Variants in DPH6 observed in about 807,000 individuals in gnomAD.
The protein encoded by DPH6 is diphthine--ammonia ligase.
DPH6 carries 33 observed loss-of-function variants against 38.2 expected under a neutral mutation model. The observed-to-expected ratio is 0.86, with a 90% CI of 0.65 to 1.15. The LOEUF is 1.15. Among genes scored for constraint, DPH6 ranks in the 50% most tolerant of loss-of-function variants. The pLI is 0.00. For synonymous variants in DPH6, 108 were observed against 103.0 expected (o/e 1.05, Z -0.30); for missense variants, 325 against 320.0 (o/e 1.02, Z -0.12).
At chr15:35,203,649 G>A in the DPH6 span, among the ~76,000 whole-genome samples, 18 of 151,640 alleles carry the variant, frequency 1.2e-4, no homozygotes, top group Admixed American at 1.2e-3. Context: ...ATAGCAACCT[G>A]TGTATTTTAG....
At chr15:35,377,530 T>C (rs569121349) in intron 7 of DPH6, among the ~76,000 whole-genome samples, 1 of 152,286 alleles carries the variant, frequency 6.6e-6, no homozygotes, top group Non-Finnish European at 1.5e-5. Flanking sequence ...TACATATATA[T>C]GTAAAATAAG....
intron 3 of DPH6, among the ~76,000 whole-genome samples, chr15:35,533,613 G>C (rs894865956): frequency 6.6e-6 from 1 of 151,428 alleles, no homozygotes; most frequent in African/African-American, 2.4e-5. Context: ...CTTGAATCTA[G>C]TTATCTTTAG....
At chr15:35,399,609 A>C (rs1013290704) in intron 6 of DPH6, among the ~76,000 whole-genome samples, 1 of 152,154 alleles carries the variant, frequency 6.6e-6, no homozygotes, top group African/African-American at 2.4e-5. Flanking sequence ...GGGCAAAAAG[A>C]ATATCCTATA....
chr15:35,201,485 G>A, the DPH6 span, among the ~76,000 whole-genome samples: 1 of 151,734 alleles, frequency 6.6e-6, no homozygotes, highest in Non-Finnish European at 1.5e-5. Flanking sequence ...CATTTAAAAA[G>A]TTATTTCACG....
intron 3 of DPH6, among the ~76,000 whole-genome samples, chr15:35,532,826 G>A (rs1384682362): frequency 3.3e-5 from 5 of 152,032 alleles, no homozygotes; most frequent in African/African-American, 1.2e-4. Flanking sequence ...AGAATTGGCT[G>A]GGCACGGTGG....
rs72703161 is a variant in DPH6 at position 35,380,807 on chromosome 15, A to G, written c.662+1015T>C. 1.7e-3 allele frequency among the ~76,000 whole-genome samples: 264 copies of G among 152,180 alleles called. 1 individual carries two copies. The highest frequency in any genetic ancestry group is 5.0e-3 in the East Asian group (26 of 5,176). On this transcript the variant is annotated intron_variant, in intron 7 of 8. Transcript: ENST00000256538. ...TAATTACACACAGATGTCTTTTTCTACCCCTTTGAAGGCAGAAACTATTTG... is the reference window on the plus strand; with the variant it reads ...TAATTACACACAGATGTCTTTTTCTGCCCCTTTGAAGGCAGAAACTATTTG...
chr15:35,423,610 C>A (rs2053533306), intron 5 of DPH6, among the ~76,000 whole-genome samples: 1 of 149,770 alleles, frequency 6.7e-6, no homozygotes, highest in Non-Finnish European at 1.5e-5. Context: ...AAAAAAAAAT[C>A]ATTGTCCAGT....
chr15:35,484,413 G>A (rs1233806163), intron 3 of DPH6, among the ~76,000 whole-genome samples: 1 of 152,220 alleles, frequency 6.6e-6, no homozygotes, highest in Non-Finnish European at 1.5e-5. Context: ...CATGCTGTCA[G>A]CCAGGGCAAT....
At chr15:35,309,888 T>C (rs1237697331) in intron 3 of DPH6, among the ~76,000 whole-genome samples, 1 of 152,226 alleles carries the variant, frequency 6.6e-6, no homozygotes, top group East Asian at 1.9e-4. Flanking sequence ...GATGTGATCT[T>C]GAAATGTGAA....
chr15:35,226,777 C>A (rs75499846), intron 3 of DPH6, among the ~76,000 whole-genome samples: 1 of 152,170 alleles, frequency 6.6e-6, no homozygotes, highest in Non-Finnish European at 1.5e-5. Flanking sequence ...ACAGGTTGAA[C>A]GCAATACTGA....
chr15:35,170,719 G>C, the DPH6 span, among the ~76,000 whole-genome samples: 4 of 152,142 alleles, frequency 2.6e-5, no homozygotes, highest in Non-Finnish European at 4.4e-5. Flanking sequence ...ATCACTCATA[G>C]AGTAGTAAGA....
chr15:35,177,668 G>C, the DPH6 span, among the ~76,000 whole-genome samples: 1 of 151,568 alleles, frequency 6.6e-6, no homozygotes, highest in Non-Finnish European at 1.5e-5. Flanking sequence ...GGCCGGGTGT[G>C]GTGGCTCAAG....
chr15:35,433,861 T>C lies in DPH6; in HGVS notation c.505+16824A>G, dbSNP rs192470980. On this transcript the variant is annotated intron_variant, in intron 5 of 8. Coordinates refer to ENST00000256538, the MANE Select transcript of DPH6 (RefSeq NM_080650.4). Reference sequence around the variant, plus strand: ...TTAAAAGCTCAACAGGCTACAATGATGTGCAGCCACAGTTGAAAACCATTG... The same window carrying C: ...TTAAAAGCTCAACAGGCTACAATGACGTGCAGCCACAGTTGAAAACCATTG... Among the ~76,000 whole-genome samples, 31 of 152,286 alleles carry C rather than the reference T, an allele frequency of 2.0e-4. No homozygotes were observed. The South Asian group carries it at 3.5e-3, about 17-fold the overall frequency.
At chr15:35,297,628 T>C (rs2052024045) in intron 3 of DPH6, among the ~76,000 whole-genome samples, 1 of 152,124 alleles carries the variant, frequency 6.6e-6, no homozygotes, top group Non-Finnish European at 1.5e-5. Context: ...CTTTTCTCTA[T>C]AGGTGACTTT....
At position 35,377,322 on chromosome 15, in the gene DPH6, C is replaced by CCCAT. The variant is rs534979462; in HGVS notation, c.663-3718_663-3715dup. ...TTTTTCATTCTTATTCTTCCGTCCACCCATCCATCCATCCATCCATCCATC... is the reference window on the plus strand; with the variant it reads ...TTTTTCATTCTTATTCTTCCGTCCACCCATCCATCCATCCATCCATCCATCCATC... On this transcript the variant is annotated intron_variant, in intron 7 of 8. Transcript: ENST00000256538. 4.0e-3 allele frequency among the ~76,000 whole-genome samples: 600 copies of CCCAT among 151,830 alleles called. 7 individuals are homozygous for CCCAT. The highest frequency in any genetic ancestry group is 0.026 in the East Asian group (136 of 5,158).
intron 5 of DPH6, among the ~76,000 whole-genome samples, chr15:35,435,501 G>A (rs897038856): frequency 2.0e-5 from 3 of 152,188 alleles, no homozygotes; most frequent in Non-Finnish European, 2.9e-5. Flanking sequence ...ATGGGGTAAA[G>A]CCACCAGGAA....
At chr15:35,357,344 A>G (rs556196724) in intron 3 of DPH6, among the ~76,000 whole-genome samples, 32 of 152,204 alleles carry the variant, frequency 2.1e-4, no homozygotes, top group Non-Finnish European at 3.4e-4. Flanking sequence ...TCAGTTGGAA[A>G]TGCAGAAATC....
intron 3 of DPH6, among the ~76,000 whole-genome samples, chr15:35,527,715 T>C (rs1013164833): frequency 4.6e-5 from 7 of 152,084 alleles, no homozygotes; most frequent in African/African-American, 1.7e-4. Context: ...ATGGACCGTA[T>C]GGGGAAGAAT....
At chr15:35,298,732 G>C in intron 3 of DPH6, 1 of 1,571,444 alleles carries the variant, frequency 6.4e-7, no homozygotes, top group Non-Finnish European at 8.7e-7. Flanking sequence ...GTATGATCTT[G>C]TGCGCCACCG....
Sources: allele counts gnomAD v4.1 joint callset (sites outside exome capture counted in the v4.1 genomes callset), GRCh38; gene constraint gnomAD v4.1.1; transcripts MANE v1.5; gene names NCBI Gene and HGNC (gene_info 2026-07-23, HGNC 2026-07-21).